CLSTN1: variants seen among roughly 807,000 people sequenced by gnomAD.
CLSTN1 encodes the protein calsyntenin 1.
Under a neutral mutation model 108.3 loss-of-function variants are expected in CLSTN1, and 28 were observed. The ratio of observed to expected loss-of-function variants is 0.26; its 90% CI spans 0.19 to 0.35. The LOEUF is 0.35. Among genes scored for constraint, CLSTN1 ranks in the 10% least tolerant of loss-of-function variants. The pLI, the probability that CLSTN1 is intolerant of heterozygous loss-of-function variation, is 1.00. For missense variants in CLSTN1, 1,157 were observed against 1,302.6 expected, an observed-to-expected ratio of 0.89 and a Z score of 1.72; for synonymous variants, 524 against 534.9, an observed-to-expected ratio of 0.98 and a Z score of 0.28.
At chr1:9,783,039 T>C (rs1444619183) in intron 1 of CLSTN1, among the ~76,000 whole-genome samples, 2 of 151,818 alleles carry the variant, frequency 1.3e-5, no homozygotes, top group African/African-American at 2.4e-5. Flanking sequence ...GCTGGACCCA[T>C]GCCTAAGTCT....
chr1:9,775,794 G>A (rs144987368), intron 1 of CLSTN1, among the ~76,000 whole-genome samples: 1 of 152,118 alleles, frequency 6.6e-6, no homozygotes, highest in Non-Finnish European at 1.5e-5. Context: ...TCTGTTAAGT[G>A]TGAGTCAATC....
chr1:9,750,380 A>G (rs1250965520), intron 5 of CLSTN1, among the ~76,000 whole-genome samples: 1 of 152,170 alleles, frequency 6.6e-6, no homozygotes, highest in African/African-American at 2.4e-5. Flanking sequence ...TGCAATGTCC[A>G]TAATTCCATC....
chr1:9,744,133 C>T (rs1651129149), intron 8 of CLSTN1, 128 bp from the exon 9 acceptor site: 2 of 1,341,062 alleles, frequency 1.5e-6, no homozygotes, highest in Non-Finnish European at 2.0e-6. Flanking sequence ...TAAGCCAAGG[C>T]AGGGCTTAGA....
At chr1:9,794,140 A>G (rs1350646423) in intron 1 of CLSTN1, among the ~76,000 whole-genome samples, 3 of 151,496 alleles carry the variant, frequency 2.0e-5, no homozygotes, top group Non-Finnish European at 4.4e-5. Flanking sequence ...CAGGGTAAGT[A>G]ACGCAGGCAC....
In CLSTN1 at chr1:9,735,032, C is replaced by T; in HGVS notation, c.2026G>A (p.Val676Met). The T allele has an allele frequency of 6.2e-7, 1 of 1,614,234 alleles. No individual in the cohort carries two copies. Among genetic ancestry groups the T allele is most frequent in the South Asian group, 1.1e-5 (1 of 91,090 alleles). ...AASEFESSEG[V>M]FLFPELRIIS... is the part of the protein sequence containing the mutation. ...ATGCGAAGCTCAGGGAAAAGGAACA[C>T]CCCTTCTGAGCTTTCAAATTCAGAA... Residue 676 changes from valine to methionine, a missense_variant, in exon 14 of 19, where the codon GTG becomes ATG. Transcript: ENST00000377298.
chr1:9,774,090 T>C (rs1323026906), intron 1 of CLSTN1, among the ~76,000 whole-genome samples: 1 of 152,072 alleles, frequency 6.6e-6, no homozygotes, highest in African/African-American at 2.4e-5. Context: ...AAGGCTGGAA[T>C]GTAGTGGTAG....
At chr1:9,820,962 T>C (rs1207056304) in intron 1 of CLSTN1, among the ~76,000 whole-genome samples, 1 of 152,208 alleles carries the variant, frequency 6.6e-6, no homozygotes, top group Non-Finnish European at 1.5e-5. Flanking sequence ...GTGAATTTTA[T>C]GTATTAAGTG....
At chr1:9,818,777 C>CTTTTTTT (rs1156483241) in intron 1 of CLSTN1, among the ~76,000 whole-genome samples, 2 of 98,076 alleles carry the variant, frequency 2.0e-5, no homozygotes, top group African/African-American at 4.9e-5. Context: ...TCAAGCAACT[C>CTTTTTTT]TTTTTTTTTT....
intron 10 of CLSTN1, among the ~76,000 whole-genome samples, chr1:9,739,680 T>TA (rs759248132): frequency 2.0e-5 from 3 of 152,220 alleles, no homozygotes; most frequent in East Asian, 3.9e-4. Flanking sequence ...CCCATTTTTA[T>TA]AAAAAATTAA....
At chr1:9,806,472 A>G (rs1021715768) in intron 1 of CLSTN1, among the ~76,000 whole-genome samples, 2 of 152,210 alleles carry the variant, frequency 1.3e-5, no homozygotes, top group Non-Finnish European at 2.9e-5. Flanking sequence ...CCTGGGGCAA[A>G]TGTCTGCTGA....
intron 1 of CLSTN1, among the ~76,000 whole-genome samples, chr1:9,788,483 G>A (rs1035725894): frequency 3.3e-5 from 5 of 150,954 alleles, no homozygotes; most frequent in African/African-American, 1.2e-4. Context: ...CAGGACAATC[G>A]CTTGAACCCA....
intron 9 of CLSTN1, among the ~76,000 whole-genome samples, chr1:9,743,219 G>C (rs185884144): frequency 2.0e-5 from 3 of 152,182 alleles, no homozygotes; most frequent in African/African-American, 4.8e-5. Flanking sequence ...CTCGTTTCCT[G>C]TAGCACGTGG....
chr1:9,774,304 G>C (rs935148946), intron 1 of CLSTN1, among the ~76,000 whole-genome samples: 1 of 152,010 alleles, frequency 6.6e-6, no homozygotes, highest in Non-Finnish European at 1.5e-5. Flanking sequence ...GGTGGCTCAC[G>C]CCTATAATCC....
chr1:9,731,584 T>A (rs1486354453), intron 17 of CLSTN1, among the ~76,000 whole-genome samples, 177 bp downstream of exon 17: 1 of 152,230 alleles, frequency 6.6e-6, no homozygotes, highest in Non-Finnish European at 1.5e-5. Context: ...GCTCCATGGC[T>A]GCGGGTGACA....
intron 17 of CLSTN1, 62 bp from the exon 18 acceptor site, chr1:9,731,452 G>T: frequency 6.5e-7 from 1 of 1,544,978 alleles, no homozygotes; most frequent in South Asian, 1.2e-5. Flanking sequence ...CTGTGCCCTT[G>T]ACCTCCTCGG....
At chr1:9,737,634 G>A in intron 10 of CLSTN1, 80 bp from the exon 11 acceptor site, 1 of 1,230,584 alleles carries the variant, frequency 8.1e-7, no homozygotes, top group Non-Finnish European at 1.2e-6. Context: ...AACCAGGTTT[G>A]AAGCAACCAA....
intron 10 of CLSTN1, among the ~76,000 whole-genome samples, chr1:9,738,798 G>A (rs758396617): frequency 2.6e-5 from 4 of 152,080 alleles, no homozygotes; most frequent in Admixed American, 6.6e-5. Flanking sequence ...ACAGGCGCAC[G>A]CCACCACGCC....
chr1:9,787,197 T>A (rs915479272), intron 1 of CLSTN1, among the ~76,000 whole-genome samples: 1 of 150,874 alleles, frequency 6.6e-6, no homozygotes, highest in African/African-American at 2.4e-5. Flanking sequence ...GGGCTTCTGT[T>A]TCCCCCTTCT....
At chr1:9,766,696 T>C (rs540185479) in intron 2 of CLSTN1, among the ~76,000 whole-genome samples, 1 of 152,264 alleles carries the variant, frequency 6.6e-6, no homozygotes, top group East Asian at 1.9e-4. Context: ...ACAAAAATTG[T>C]TTTCTGACCC....
Sources: allele counts gnomAD v4.1 joint callset (sites outside exome capture counted in the v4.1 genomes callset), GRCh38; gene constraint gnomAD v4.1.1; transcripts MANE v1.5; gene names NCBI Gene and HGNC (gene_info 2026-07-23, HGNC 2026-07-21).